GALNTL6: variants seen among roughly 807,000 people sequenced by gnomAD.
GALNTL6 encodes the protein polypeptide N-acetylgalactosaminyltransferase-like 6.
In GALNTL6, 46 loss-of-function variants were observed where a neutral mutation model predicts 73.7. That is an observed-to-expected ratio of 0.62 (90% CI 0.49 to 0.80). The LOEUF (loss-of-function observed/expected upper bound fraction) is 0.80. Ranked by LOEUF, GALNTL6 falls within the 30% of genes least tolerant of loss-of-function variation. GALNTL6 has a pLI of 0.00. For synonymous variants in GALNTL6, 259 were observed against 263.7 expected (o/e 0.98, Z 0.17); for missense variants, 604 against 755.0 (o/e 0.80, Z 2.34).
chr4:172,925,256 A>G (rs1747998823), intron 8 of GALNTL6, among the ~76,000 whole-genome samples: 2 of 151,856 alleles, frequency 1.3e-5, no homozygotes, highest in South Asian at 4.1e-4. Flanking sequence ...TTTTCTCAAC[A>G]CTGAATTTAG....
intron 3 of GALNTL6, among the ~76,000 whole-genome samples, chr4:172,265,473 A>G (rs1405154387): frequency 6.6e-6 from 1 of 152,092 alleles, no homozygotes; most frequent in East Asian, 1.9e-4. Context: ...CAATCAAAAT[A>G]TTAAAGATTC....
At chr4:172,588,532 CAAAAAAAAA>C (rs1181803345) in intron 5 of GALNTL6, among the ~76,000 whole-genome samples, 1 of 95,886 alleles carries the variant, frequency 1.0e-5, no homozygotes, top group Non-Finnish European at 2.2e-5. Flanking sequence ...GACCCTGTCT[CAAAAAAAAA>C]AAAAAGAAAA....
chr4:172,896,966 A>C (rs1435128450), intron 8 of GALNTL6, among the ~76,000 whole-genome samples: 1 of 152,032 alleles, frequency 6.6e-6, no homozygotes, highest in South Asian at 2.1e-4. Flanking sequence ...TGCACAGATG[A>C]GATAATTCCC....
intron 2 of GALNTL6, among the ~76,000 whole-genome samples, chr4:171,893,427 A>C (rs1353126952): frequency 6.6e-6 from 1 of 152,192 alleles, no homozygotes; most frequent in African/African-American, 2.4e-5. Flanking sequence ...TTCTCAGTAA[A>C]ATGAATAATA....
At chr4:171,880,961 T>C (rs1736430222) in intron 2 of GALNTL6, among the ~76,000 whole-genome samples, 1 of 152,156 alleles carries the variant, frequency 6.6e-6, no homozygotes, top group Non-Finnish European at 1.5e-5. Flanking sequence ...TTTTTTTCTA[T>C]CTCAAGTAAG....
intron 4 of GALNTL6, among the ~76,000 whole-genome samples, chr4:172,342,243 T>A (rs1442745778): frequency 6.6e-6 from 1 of 151,766 alleles, no homozygotes; most frequent in African/African-American, 2.4e-5. Flanking sequence ...CCTTAAAATA[T>A]TATAGTATTT....
intron 5 of GALNTL6, among the ~76,000 whole-genome samples, chr4:172,568,683 G>A (rs193148768): frequency 1.4e-5 from 2 of 147,814 alleles, no homozygotes; most frequent in African/African-American, 2.5e-5. Context: ...GCGTGAACCC[G>A]GGAGGCGGAG....
rs537193337 is a variant in GALNTL6, at chr4:173,023,649, C to T, written c.1638+2024C>T. Among the ~76,000 whole-genome samples the T allele has an allele frequency of 7.5e-4, 114 of 151,064 alleles. No individual in the cohort carries two copies. The Middle Eastern group carries it at 0.01, about 14-fold the overall frequency. ...TGCACTCCAGCCTGGGCGACAAGAG[C>T]GAAACTCCATCCCAAAAAAAGCAAA... On this transcript the variant is annotated intron_variant, in intron 12 of 12. Transcript: ENST00000506823.
At chr4:172,066,255 G>A (rs774803512) in intron 2 of GALNTL6, among the ~76,000 whole-genome samples, 7 of 151,924 alleles carry the variant, frequency 4.6e-5, no homozygotes, top group Non-Finnish European at 1.0e-4. Context: ...TATTCATATC[G>A]CTCCCTACTC....
At chr4:172,616,527 A>G (rs1051247985) in intron 5 of GALNTL6, among the ~76,000 whole-genome samples, 4 of 137,578 alleles carry the variant, frequency 2.9e-5, no homozygotes, top group Non-Finnish European at 4.6e-5. Flanking sequence ...CAGAAAATCC[A>G]TACTCTTTTT....
At chr4:172,191,191 A>G (rs1202079907) in intron 2 of GALNTL6, among the ~76,000 whole-genome samples, 1 of 152,190 alleles carries the variant, frequency 6.6e-6, no homozygotes, top group Admixed American at 6.5e-5. Context: ...TTCTTTGTTC[A>G]CATAAACTAG....
chr4:172,272,479 G>A (rs1271598570), intron 3 of GALNTL6, among the ~76,000 whole-genome samples: 1 of 152,128 alleles, frequency 6.6e-6, no homozygotes, highest in Non-Finnish European at 1.5e-5. Context: ...TTACTGTACT[G>A]AATACTGTAG....
chr4:171,847,323 A>T (rs1190649174), intron 2 of GALNTL6, among the ~76,000 whole-genome samples: 3 of 152,190 alleles, frequency 2.0e-5, no homozygotes, highest in Non-Finnish European at 4.4e-5. Flanking sequence ...CAATATACAC[A>T]CCTTAATCAA....
chr4:172,520,037 A>T (rs1734726477), intron 5 of GALNTL6, among the ~76,000 whole-genome samples: 1 of 151,934 alleles, frequency 6.6e-6, no homozygotes, highest in Admixed American at 6.6e-5. Context: ...TTTTATTTTT[A>T]AAGTTATTCA....
chr4:172,274,404 A>C (rs1006847182), intron 3 of GALNTL6, among the ~76,000 whole-genome samples: 1 of 152,222 alleles, frequency 6.6e-6, no homozygotes, highest in East Asian at 1.9e-4. Flanking sequence ...AAACTTGAAG[A>C]ATTTAAGTAA....
At chr4:172,393,353 C>T (rs1461805724) in intron 5 of GALNTL6, among the ~76,000 whole-genome samples, 2 of 152,140 alleles carry the variant, frequency 1.3e-5, no homozygotes, top group African/African-American at 2.4e-5. Context: ...AAAGTGCCTC[C>T]TCTGCTTCTT....
Position 172,132,797 on chromosome 4 carries a change from A to C in GALNTL6, c.139-96859A>C, listed in dbSNP as rs530955476. Among the ~76,000 whole-genome samples, 89 of 152,276 alleles carry C rather than the reference A, an allele frequency of 5.8e-4. No individual in the cohort carries two copies. In the Middle Eastern group the frequency reaches 0.01, roughly 17 times the overall value. ...TTCCTCTTTGAGATTTGAAGAAAAA[A>C]ATCTTACTCTTATGAATCTATCTCT... On this transcript the variant is annotated intron_variant, in intron 2 of 12. Transcript: ENST00000506823.
intron 2 of GALNTL6, among the ~76,000 whole-genome samples, chr4:171,927,019 T>A (rs1738006052): frequency 6.6e-6 from 1 of 151,878 alleles, no homozygotes; most frequent in African/African-American, 2.4e-5. Context: ...TATTTTAACC[T>A]ATACGTAATT....
At chr4:171,954,286 T>C (rs1203681061) in intron 2 of GALNTL6, among the ~76,000 whole-genome samples, 1 of 152,204 alleles carries the variant, frequency 6.6e-6, no homozygotes, top group African/African-American at 2.4e-5. Flanking sequence ...ATTCTTGCAC[T>C]ATGTAATAGA....
Sources: allele counts gnomAD v4.1 joint callset (sites outside exome capture counted in the v4.1 genomes callset), GRCh38; gene constraint gnomAD v4.1.1; transcripts MANE v1.5; gene names NCBI Gene and HGNC (gene_info 2026-07-23, HGNC 2026-07-21).